Variants in SPIRE1 observed in about 807,000 individuals in gnomAD.
SPIRE1 encodes the protein spire type actin nucleation factor 1, also known as protein spire homolog 1.
A neutral mutation model predicts 94.1 loss-of-function variants in SPIRE1; 40 were observed. The ratio of observed to expected loss-of-function variants is 0.43; its 90% CI spans 0.33 to 0.55. The LOEUF (loss-of-function observed/expected upper bound fraction) is 0.55. Among genes scored for constraint, SPIRE1 ranks in the 20% least tolerant of loss-of-function variants. SPIRE1 has a pLI of 0.06. For synonymous variants in SPIRE1, 376 were observed against 371.7 expected, an observed-to-expected ratio of 1.01 and a Z score of -0.13; for missense variants, 838 against 975.2, an observed-to-expected ratio of 0.86 and a Z score of 1.87.
chr18:12,618,132 T>C (rs1169040187), intron 2 of SPIRE1, among the ~76,000 whole-genome samples: 3 of 151,998 alleles, frequency 2.0e-5, no homozygotes, highest in South Asian at 2.1e-4. Flanking sequence ...ACAGGAGTCT[T>C]GCTCTGTCGC....
chr18:12,559,594 G>C lies in SPIRE1; in HGVS notation c.373-12690C>G, dbSNP rs1465728020. ...ATGGCCAGAGTGGACGCCGTGGCCT[G>C]AGGAGGTGCCAAGAGCGAGCGAGGG... On this transcript the variant is annotated intron_variant, in intron 2 of 16. Coordinates refer to ENST00000409402, the MANE Select transcript of SPIRE1 (RefSeq NM_001128626.2). This position sits in a 1 kb window ranked among gnomAD's most constrained non-coding sequence, Gnocchi z 4.7. Among the ~76,000 whole-genome samples the C allele has an allele frequency of 6.6e-6, 1 of 152,172 alleles. No individual in the cohort carries two copies. The highest frequency in any genetic ancestry group is 1.5e-5 in the Non-Finnish European group (1 of 68,028).
At chr18:12,507,992 A>G (rs1253977250) in intron 5 of SPIRE1, among the ~76,000 whole-genome samples, 1 of 151,582 alleles carries the variant, frequency 6.6e-6, no homozygotes, top group East Asian at 2.0e-4. Flanking sequence ...TAAAAATACA[A>G]AAAATTAGCC....
At chr18:12,634,015 G>A (rs530528280) in intron 2 of SPIRE1, among the ~76,000 whole-genome samples, 36 of 152,118 alleles carry the variant, frequency 2.4e-4, no homozygotes, top group South Asian at 6.2e-4. Flanking sequence ...TTGGGAGGCC[G>A]AGGCGGGCGG....
chr18:12,479,758 G>A lies in SPIRE1; in HGVS notation c.1345C>T (p.Gln449Ter), dbSNP rs1320907283. Residue 449 changes from glutamine to a stop codon, truncating the protein, a stop_gained, in exon 10 of 17, where the codon CAG becomes TAG. Coordinates refer to ENST00000409402, the MANE Select transcript of SPIRE1 (RefSeq NM_001128626.2). LOFTEE classifies it high-confidence loss of function. Reference sequence around the variant, plus strand: ...GGGGCTCTGAGGAGCTTCTTCCGCTGTGCAGGCACCTGCTGTGAGGTACTT... The same window carrying A: ...GGGGCTCTGAGGAGCTTCTTCCGCTATGCAGGCACCTGCTGTGAGGTACTT... ...GLSTSQQVPA[Q>*]RKKLLRAPTL... The A allele has an allele frequency of 6.2e-7, 1 of 1,613,982 alleles. No individual in the cohort carries two copies. The highest frequency in any genetic ancestry group is 8.5e-7 in the Non-Finnish European group (1 of 1,180,008).
intron 7 of SPIRE1, among the ~76,000 whole-genome samples, chr18:12,494,649 G>GA (rs761679700): frequency 1.5e-4 from 22 of 150,162 alleles, no homozygotes; most frequent in Non-Finnish European, 2.4e-4. Context: ...CTAACACGGT[G>GA]AAACCCCGTC....
intron 7 of SPIRE1, 147 bp from the exon 8 acceptor site, chr18:12,493,348 G>A (rs1347325868): frequency 2.7e-6 from 2 of 740,804 alleles, no homozygotes; most frequent in South Asian, 2.0e-5. Flanking sequence ...AAATATTAAG[G>A]TTCCTAAAGC....
rs563215443 is a variant in SPIRE1, at chr18:12,657,789, G to T, written c.78C>A (p.Pro26=). The T allele has an allele frequency of 3.0e-3, 3,850 of 1,291,532 alleles. 111 individuals carry two copies. In the African/African-American group the frequency reaches 0.053, roughly 18 times the overall value. 80.0% of individuals were successfully genotyped at this position (1,291,532 alleles called of 1,614,324 possible). Residue 26 remains proline, a synonymous_variant, in exon 1 of 17, where the codon CCC becomes CCA. Coordinates refer to ENST00000409402, the MANE Select transcript of SPIRE1 (RefSeq NM_001128626.2). ...CCCCGGCCGCGCCGCCGGCTGCCCC[G>T]GGCTCCCGCGGCCCCTCGCCGCCCA... The part of the protein sequence containing the change: ...EAVGGEGPRE[P]GAAGGAAGGS...
At chr18:12,464,112 G>A (rs1325262124) in intron 11 of SPIRE1, among the ~76,000 whole-genome samples, 1 of 152,172 alleles carries the variant, frequency 6.6e-6, no homozygotes, top group Admixed American at 6.5e-5. Flanking sequence ...TGGAAAGTGA[G>A]AGTCAACACA....
intron 10 of SPIRE1, among the ~76,000 whole-genome samples, chr18:12,476,828 C>T (rs2032622914): frequency 6.6e-6 from 1 of 151,922 alleles, no homozygotes; most frequent in African/African-American, 2.4e-5. Context: ...TATTTCCATA[C>T]CCTTGTCTAA....
At chr18:12,482,686 T>C (rs1376678950) in intron 9 of SPIRE1, among the ~76,000 whole-genome samples, 1 of 152,176 alleles carries the variant, frequency 6.6e-6, no homozygotes, top group Non-Finnish European at 1.5e-5. Flanking sequence ...GAGTTCAGTT[T>C]ATTCTCAATG....
chr18:12,472,618 C>A (rs1020508416), intron 10 of SPIRE1, among the ~76,000 whole-genome samples: 1 of 151,638 alleles, frequency 6.6e-6, no homozygotes, highest in East Asian at 2.0e-4. Context: ...ATCCGCCTGC[C>A]TCAGCCTCTC....
intron 3 of SPIRE1, among the ~76,000 whole-genome samples, chr18:12,540,066 T>C (rs986106510): frequency 4.6e-5 from 7 of 151,744 alleles, no homozygotes; most frequent in African/African-American, 7.3e-5. Context: ...TCAATGAAGA[T>C]TGGAGTGAGC....
At chr18:12,526,678 C>T (rs56870830) in intron 4 of SPIRE1, among the ~76,000 whole-genome samples, 7,294 of 152,040 alleles carry the variant, frequency 0.048, 194 homozygotes, top group South Asian at 0.097. Flanking sequence ...ATCATAGTAG[C>T]ACCCATTATA....
At chr18:12,578,103 A>G (rs1473019618) in intron 2 of SPIRE1, among the ~76,000 whole-genome samples, 1 of 152,234 alleles carries the variant, frequency 6.6e-6, no homozygotes, top group African/African-American at 2.4e-5. Flanking sequence ...TGCTGGTGTG[A>G]ATACAAAACA....
At chr18:12,595,662 G>C (rs1330670417) in intron 2 of SPIRE1, among the ~76,000 whole-genome samples, 1 of 152,124 alleles carries the variant, frequency 6.6e-6, no homozygotes, top group Non-Finnish European at 1.5e-5. Context: ...ATTTGTATCA[G>C]GCACCAAAAT....
intron 5 of SPIRE1, among the ~76,000 whole-genome samples, chr18:12,507,077 T>C (rs1445054710): frequency 6.6e-6 from 1 of 152,190 alleles, no homozygotes; most frequent in African/African-American, 2.4e-5. Flanking sequence ...CCCTTGTGTT[T>C]CTATTATGGC....
chr18:12,645,926 C>T (rs532491986), intron 1 of SPIRE1, among the ~76,000 whole-genome samples: 69 of 152,252 alleles, frequency 4.5e-4, no homozygotes, highest in African/African-American at 1.4e-3. Flanking sequence ...AGGGAACACC[C>T]ACTACAAAGA....
chr18:12,658,760 C>T, upstream of SPIRE1: 1 of 368,326 alleles, frequency 2.7e-6, no homozygotes, highest in Non-Finnish European at 5.6e-6. Flanking sequence ...TCCCTCTCCA[C>T]TCCCATCTTC....
chr18:12,621,728 T>C (rs956512005), intron 2 of SPIRE1, among the ~76,000 whole-genome samples: 4 of 152,188 alleles, frequency 2.6e-5, no homozygotes, highest in Admixed American at 2.6e-4. Context: ...AGGTACCACA[T>C]TTCTTTATAA....
Sources: gnomAD v4.1 joint callset for allele counts (sites outside exome capture counted in the v4.1 genomes callset) on GRCh38, gnomAD v4.1.1 for gene constraint, Gnocchi (gnomAD v3.1) non-coding constraint, MANE v1.5 for transcripts, NCBI Gene and HGNC (gene_info 2026-07-23, HGNC 2026-07-21) for gene names.